The following SLCO6A1 variants were observed in gnomAD, a reference collection of about 807,000 sequenced individuals.
The protein encoded by SLCO6A1 is solute carrier organic anion transporter family member 6A1, also known as cancer/testis antigen 48.
In SLCO6A1, 65 loss-of-function variants were observed where a neutral mutation model predicts 72.7. The ratio of observed to expected loss-of-function variants is 0.89; its 90% CI spans 0.73 to 1.10. SLCO6A1 has a LOEUF of 1.10. Among genes scored for constraint, SLCO6A1 ranks in the 50% least tolerant of loss-of-function variants. The probability of loss-of-function intolerance (pLI) is 0.00; values close to 1 mark genes in which losing one functional copy is unlikely to be tolerated. For synonymous variants in SLCO6A1, 314 were observed against 298.2 expected (o/e 1.05, Z -0.55); for missense variants, 874 against 872.6 (o/e 1.00, Z -0.02).
rs184499721 is a variant in SLCO6A1 at position 102,491,376 on chromosome 5, C to T, written c.358+7111G>A. 1.8e-4 allele frequency among the ~76,000 whole-genome samples: 27 copies of T among 152,356 alleles called. No homozygotes were observed. In the East Asian group the frequency reaches 3.5e-3, roughly 20 times the overall value. On this transcript the variant is annotated intron_variant, in intron 1 of 13. Coordinates refer to ENST00000506729, the MANE Select transcript of SLCO6A1 (RefSeq NM_173488.5). ...CGCAGGTGGAGCTGCCTGCCAGTTC[C>T]GCACGGTGCACCCGCACTCCTCAGC...
intron 10 of SLCO6A1, among the ~76,000 whole-genome samples, chr5:102,393,575 T>G (rs1347398687): frequency 6.6e-6 from 1 of 152,212 alleles, no homozygotes; most frequent in Non-Finnish European, 1.5e-5. Flanking sequence ...TGTGTTTTTC[T>G]ATTTTGTTTG....
intron 8 of SLCO6A1, among the ~76,000 whole-genome samples, chr5:102,416,342 TATAA>T (rs1748284379): frequency 6.6e-6 from 1 of 151,928 alleles, no homozygotes. Context: ...AAATGTGATA[TATAA>T]ATATTTATAT....
At chr5:102,430,277 T>C (rs1749142104) in intron 7 of SLCO6A1, among the ~76,000 whole-genome samples, 1 of 152,180 alleles carries the variant, frequency 6.6e-6, no homozygotes, top group East Asian at 1.9e-4. Flanking sequence ...CCTCTCTTTT[T>C]ATGTAGATGC....
chr5:102,498,579 C>T lies in SLCO6A1; in HGVS notation c.266G>A (p.Cys89Tyr), dbSNP rs571888078. ...GGTGCTGACTAAGCAGCCCAAACCACAGGGCTGCTCCAAACTGTCATCCAC... is the reference window on the plus strand; with the variant it reads ...GGTGCTGACTAAGCAGCCCAAACCATAGGGCTGCTCCAAACTGTCATCCAC... ...GEVDDSLEQP[C>Y]GLGCLVSTCC... The change falls in exon 1 of 14, where the codon TGT (cysteine) becomes TAT (tyrosine). Residue 89 changes from cysteine (C) to tyrosine (Y), a missense_variant. Physicochemically the swap from Cys to Tyr is radical, Grantham distance 194 (BLOSUM62 -2). Coordinates refer to ENST00000506729, the MANE Select transcript of SLCO6A1 (RefSeq NM_173488.5). 6.2e-7 allele frequency: 1 copy of T among 1,614,266 alleles called. No individual in the cohort carries two copies. Among genetic ancestry groups the T allele is most frequent in the East Asian group, 2.2e-5 (1 of 44,882 alleles).
At chr5:102,485,941 C>A (rs12518209) in intron 1 of SLCO6A1, among the ~76,000 whole-genome samples, 1 of 152,122 alleles carries the variant, frequency 6.6e-6, no homozygotes, top group Admixed American at 6.6e-5. Context: ...GTGTAAGTGT[C>A]TAGTAAGCTC....
chr5:102,467,418 A>T (rs953167603), intron 4 of SLCO6A1, among the ~76,000 whole-genome samples: 2 of 151,952 alleles, frequency 1.3e-5, no homozygotes, highest in Non-Finnish European at 2.9e-5. Context: ...TTTAAAAAAA[A>T]AAATAACAAA....
intron 1 of SLCO6A1, among the ~76,000 whole-genome samples, chr5:102,484,482 C>G (rs1457423248): frequency 2.0e-5 from 3 of 151,964 alleles, no homozygotes; most frequent in Non-Finnish European, 4.4e-5. Context: ...AACCCTGTAT[C>G]TACTAAAAAT....
chr5:102,455,295 G>A (rs1191246890), intron 6 of SLCO6A1, among the ~76,000 whole-genome samples: 1 of 151,918 alleles, frequency 6.6e-6, no homozygotes, highest in Non-Finnish European at 1.5e-5. Flanking sequence ...ATGCTACTGT[G>A]AAAGATCTTC....
intron 6 of SLCO6A1, among the ~76,000 whole-genome samples, chr5:102,446,906 C>T (rs893297995): frequency 1.3e-5 from 2 of 152,110 alleles, no homozygotes; most frequent in African/African-American, 2.4e-5. Flanking sequence ...AGGCACCCAC[C>T]ACTATGCCCT....
At chr5:102,389,944 T>G (rs2112516569) in intron 11 of SLCO6A1, among the ~76,000 whole-genome samples, 1 of 152,302 alleles carries the variant, frequency 6.6e-6, no homozygotes, top group Admixed American at 6.5e-5. Flanking sequence ...CTTGTTATAT[T>G]GCCAAGGCTG....
At chr5:102,497,714 C>T (rs188975279) in intron 1 of SLCO6A1, among the ~76,000 whole-genome samples, 36 of 152,328 alleles carry the variant, frequency 2.4e-4, no homozygotes, top group African/African-American at 8.2e-4. Flanking sequence ...GCCGAACTAA[C>T]TTTGGGAAGG....
chr5:102,435,432 A>G (rs1195939444), intron 7 of SLCO6A1, among the ~76,000 whole-genome samples: 2 of 152,156 alleles, frequency 1.3e-5, no homozygotes, highest in African/African-American at 2.4e-5. Context: ...TTGTTACCCA[A>G]CGTGCCTCCC....
rs138219728 is a variant in SLCO6A1 at position 102,480,441 on chromosome 5, T to C, written c.359-7A>G. 9.6e-3 allele frequency: 15,322 copies of C among 1,592,264 alleles called. 299 individuals are homozygous for C. The highest frequency in any genetic ancestry group is 0.07 in the African/African-American group (5,182 of 73,682). On this transcript the variant is annotated splice_region_variant and splice_polypyrimidine_tract_variant and intron_variant, in intron 1 of 13. Transcript: ENST00000506729. Reference sequence around the variant, plus strand: ...ATAAGACCAAACACCACACCTAAAATGTAAAAAGAAAAAGAGAAAACAACG... The same window carrying C: ...ATAAGACCAAACACCACACCTAAAACGTAAAAAGAAAAAGAGAAAACAACG...
intron 6 of SLCO6A1, among the ~76,000 whole-genome samples, chr5:102,449,544 A>G (rs893142484): frequency 1.3e-5 from 2 of 151,646 alleles, no homozygotes; most frequent in Non-Finnish European, 2.9e-5. Context: ...CCGCCACCAC[A>G]CCCAGCTAAT....
At chr5:102,436,328 T>G (rs1463916637) in intron 7 of SLCO6A1, among the ~76,000 whole-genome samples, 1 of 152,144 alleles carries the variant, frequency 6.6e-6, no homozygotes, top group Non-Finnish European at 1.5e-5. Flanking sequence ...TATCACACCT[T>G]CACCTGCAAG....
Position 102,399,666 on chromosome 5 carries a change from G to C in SLCO6A1, c.1703C>G (p.Pro568Arg), listed in dbSNP as rs767997044. Residue 568 changes from proline to arginine, a missense_variant, in exon 10 of 14, where the codon CCC becomes CGC. Pro to Arg is a moderately radical substitution (Grantham distance 103). Transcript: ENST00000506729. ...DAEGDFIDAR[P>R]GKCDAKCYKL... is the part of the protein sequence containing the mutation. ...ATAGCACTTTGCATCACATTTCCCG[G>C]GTCTGGCATCAATAAAATCACCTTC... 1.9e-6 allele frequency: 3 copies of C among 1,608,936 alleles called. No individual in the cohort carries two copies. The African/African-American group carries it at 4.0e-5, about 22-fold the overall frequency.
intron 12 of SLCO6A1, among the ~76,000 whole-genome samples, chr5:102,376,669 A>G (rs571683032): frequency 6.6e-6 from 1 of 152,320 alleles, no homozygotes; most frequent in Admixed American, 6.5e-5. Flanking sequence ...AATAATACAA[A>G]ATGAGCTAAT....
At chr5:102,484,151 CA>C (rs1752334396) in intron 1 of SLCO6A1, among the ~76,000 whole-genome samples, 1 of 152,098 alleles carries the variant, frequency 6.6e-6, no homozygotes, top group African/African-American at 2.4e-5. Context: ...TTATCCTAGG[CA>C]ATAATTTAAA....
chr5:102,419,644 C>G (rs1748477641), intron 8 of SLCO6A1, among the ~76,000 whole-genome samples, 182 bp downstream of exon 8: 1 of 147,652 alleles, frequency 6.8e-6, no homozygotes, highest in African/African-American at 2.7e-5. Context: ...TAAAAAGATA[C>G]CATTATAATA....
Sources: allele counts gnomAD v4.1 joint callset (sites outside exome capture counted in the v4.1 genomes callset), GRCh38; gene constraint gnomAD v4.1.1; transcripts MANE v1.5; gene names NCBI Gene and HGNC (gene_info 2026-07-23, HGNC 2026-07-21).